Variants in PCDH11X observed in about 807,000 individuals in gnomAD.
The protein encoded by PCDH11X is protocadherin-11 X-linked.
Under a neutral mutation model 53.3 loss-of-function variants are expected in PCDH11X, and 18 were observed. The ratio of observed to expected loss-of-function variants is 0.34; its 90% CI spans 0.23 to 0.50. The LOEUF (loss-of-function observed/expected upper bound fraction) is 0.50. Among genes scored for constraint, PCDH11X ranks in the 20% least tolerant of loss-of-function variants. The probability of loss-of-function intolerance (pLI) is 0.98; values close to 1 mark genes in which losing one functional copy is unlikely to be tolerated. For missense variants in PCDH11X, 570 were observed against 1,032.4 expected (o/e 0.55, Z 6.14); for synonymous variants, 279 against 393.3 (o/e 0.71, Z 3.44).
intron 6 of PCDH11X, among the ~76,000 whole-genome samples, chrX:92,127,518 CTTTTT>C (rs35828888): frequency 1.1e-5 from 1 of 88,435 alleles, no homozygotes; most frequent in African/African-American, 4.5e-5. Flanking sequence ...TTTCCCCCCA[CTTTTT>C]TTTTTTTTTT....
intron 6 of PCDH11X, among the ~76,000 whole-genome samples, chrX:92,124,105 C>T (rs750111650): frequency 2.3e-4 from 26 of 111,833 alleles, no homozygotes; most frequent in Non-Finnish European, 3.9e-4. Context: ...CTGTCTATAA[C>T]GCTACTATCT....
At chrX:91,954,153 C>A (rs2061679890) in intron 6 of PCDH11X, among the ~76,000 whole-genome samples, 1 of 109,168 alleles carries the variant, frequency 9.2e-6, no homozygotes, top group Admixed American at 9.9e-5. Flanking sequence ...ATGTTGTTTT[C>A]CCCCACGTGT....
intron 10 of PCDH11X, among the ~76,000 whole-genome samples, chrX:92,551,491 T>A (rs1309408812): frequency 9.5e-6 from 1 of 105,252 alleles, no homozygotes; most frequent in African/African-American, 3.4e-5. Flanking sequence ...TTGCAAATAT[T>A]TTCTCCCCTT....
intron 6 of PCDH11X, among the ~76,000 whole-genome samples, chrX:91,988,878 T>C (rs978639115): frequency 7.2e-5 from 8 of 111,602 alleles, no homozygotes; most frequent in Non-Finnish European, 1.5e-4. Flanking sequence ...TGTCCAAGGC[T>C]ACCCATTCTT....
At chrX:92,353,857 AT>A (rs996491054) in intron 8 of PCDH11X, among the ~76,000 whole-genome samples, 1 of 109,174 alleles carries the variant, frequency 9.2e-6, no homozygotes, top group Non-Finnish European at 1.9e-5. Flanking sequence ...CTTGAGTCAA[AT>A]TTTTTAACAC....
intron 10 of PCDH11X, among the ~76,000 whole-genome samples, chrX:92,612,290 T>C (rs1207953469): frequency 9.0e-6 from 1 of 110,506 alleles, no homozygotes; most frequent in Non-Finnish European, 1.9e-5. Context: ...TCAGCATTGA[T>C]CTGTTCACGG....
At chrX:92,489,310 G>A (rs780098448) in intron 10 of PCDH11X, among the ~76,000 whole-genome samples, 2 of 109,893 alleles carry the variant, frequency 1.8e-5, no homozygotes, top group African/African-American at 6.7e-5. Context: ...GGCATTATAG[G>A]TGGGTGAAAG....
At chrX:92,151,233 C>G (rs2065428076) in intron 6 of PCDH11X, among the ~76,000 whole-genome samples, 1 of 110,222 alleles carries the variant, frequency 9.1e-6, no homozygotes, top group African/African-American at 3.3e-5. Flanking sequence ...CGCCCTGTCA[C>G]CCAGGCTGGA....
intron 9 of PCDH11X, among the ~76,000 whole-genome samples, chrX:92,466,812 T>G (rs2148660986): frequency 9.1e-6 from 1 of 109,970 alleles, no homozygotes; most frequent in South Asian, 3.9e-4. Context: ...CCTTTTTAGT[T>G]ACCAAATTAG....
chrX:91,878,109 T>G lies in PCDH11X; in HGVS notation c.1869T>G (p.Gly623=). The G allele has an allele frequency of 8.3e-7, 1 of 1,204,241 alleles. No homozygotes were observed. The highest frequency in any genetic ancestry group is 1.1e-6 in the Non-Finnish European group (1 of 891,086). ...NDDFTIDSQT[G]VIRPNISFDR... is the part of the protein sequence containing the mutation. ...ACTTCACCATTGATTCACAAACTGG[T>G]GTCATCCGACCAAATATTTCATTTG... The change falls in exon 6 of 11, where the codon GGT becomes GGG. Residue 623 remains glycine (G), a synonymous_variant. Transcript: ENST00000682573.
At chrX:91,997,024 ATAGT>A (rs1274701304) in intron 6 of PCDH11X, among the ~76,000 whole-genome samples, 4 of 95,673 alleles carry the variant, frequency 4.2e-5, no homozygotes, top group Non-Finnish European at 8.3e-5. Flanking sequence ...TACTTTTTTA[ATAGT>A]TAGTTGTTAG....
chrX:92,330,605 T>C (rs948923451), intron 8 of PCDH11X, among the ~76,000 whole-genome samples: 3 of 110,075 alleles, frequency 2.7e-5, no homozygotes, highest in Admixed American at 9.8e-5. Flanking sequence ...CTAAAAAGAC[T>C]TGTGCAGACC....
At chrX:92,594,272 C>A (rs2750641) in intron 10 of PCDH11X, among the ~76,000 whole-genome samples, 5 of 106,892 alleles carry the variant, frequency 4.7e-5, no homozygotes, top group African/African-American at 1.8e-4. Context: ...TGGTCAAATT[C>A]TAAATTAAGC....
At chrX:91,842,933 C>T (rs1339534177) in intron 5 of PCDH11X, among the ~76,000 whole-genome samples, 3 of 99,738 alleles carry the variant, frequency 3.0e-5, no homozygotes, top group Non-Finnish European at 6.0e-5. Context: ...TATTTCTCAT[C>T]CTTTTACTTA....
chrX:92,193,236 G>C (rs149898666), intron 6 of PCDH11X, among the ~76,000 whole-genome samples: 5,921 of 111,683 alleles, frequency 0.053, 255 homozygotes, highest in East Asian at 0.19. Context: ...TTGTGTTCTA[G>C]TGAATCTGAA....
At chrX:91,931,508 G>T (rs1453330633) in intron 6 of PCDH11X, among the ~76,000 whole-genome samples, 4 of 110,776 alleles carry the variant, frequency 3.6e-5, no homozygotes, top group Admixed American at 1.9e-4. Context: ...AAAAGCAAAG[G>T]ATATGTGGAC....
At chrX:92,433,222 A>G (rs777176135) in intron 9 of PCDH11X, among the ~76,000 whole-genome samples, 6 of 111,555 alleles carry the variant, frequency 5.4e-5, no homozygotes, top group Non-Finnish European at 9.5e-5. Context: ...TTTATAAATC[A>G]TTTGCTGTTT....
chrX:92,578,414 G>A (rs1447374941), intron 10 of PCDH11X, among the ~76,000 whole-genome samples: 2 of 110,509 alleles, frequency 1.8e-5, no homozygotes, highest in African/African-American at 6.6e-5. Flanking sequence ...AAGTCTCTTT[G>A]GAGGTCTCTA....
chrX:92,026,003 T>C (rs2148007469), intron 6 of PCDH11X, among the ~76,000 whole-genome samples: 1 of 110,774 alleles, frequency 9.0e-6, no homozygotes, highest in African/African-American at 3.3e-5. Flanking sequence ...CAAGGAGAAC[T>C]TCTGGACACA....
Sources: gnomAD v4.1 joint callset for allele counts (sites outside exome capture counted in the v4.1 genomes callset) on GRCh38, gnomAD v4.1.1 for gene constraint, MANE v1.5 for transcripts, NCBI Gene and HGNC (gene_info 2026-07-23, HGNC 2026-07-21) for gene names.